VANGL1: variants seen among roughly 807,000 people sequenced by gnomAD.
VANGL1 encodes vang-like protein 1.
A neutral mutation model predicts 48.4 loss-of-function variants in VANGL1; 18 were observed. That is an observed-to-expected ratio of 0.37 (90% CI 0.26 to 0.55). The LOEUF is 0.55. Ranked by LOEUF, VANGL1 falls within the 20% of genes least tolerant of loss-of-function variation. The pLI is 0.81. For missense variants in VANGL1, 667 were observed against 675.8 expected, an observed-to-expected ratio of 0.99 and a Z score of 0.14; for synonymous variants, 257 against 261.8, an observed-to-expected ratio of 0.98 and a Z score of 0.18.
chr1:115,684,152 A>G, intron 6 of VANGL1, 76 bp downstream of exon 6: 1 of 1,321,062 alleles, frequency 7.6e-7, no homozygotes, highest in Non-Finnish European at 9.9e-7. Context: ...TTATTTATTT[A>G]TTTAGAGACA....
In VANGL1 at chr1:115,691,144, C is replaced by T. The variant is rs148199776; in HGVS notation, c.1340C>T (p.Ala447Val). The stretch of plus-strand genomic sequence containing the variant: ...GCCTTCCTAGAACGGTACCTCAGTG[C>T]GGGCCCCACCCTGCAATATGACAAG... ...PKAFLERYLS[A>V]GPTLQYDKDR... Residue 447 changes from alanine (A) to valine (V), a missense_variant, in exon 8 of 8, where the codon GCG (alanine) becomes GTG (valine). Ala to Val is a moderately conservative substitution (Grantham distance 64). Coordinates refer to ENST00000355485, the MANE Select transcript of VANGL1 (RefSeq NM_138959.3). The T allele has an allele frequency of 1.5e-4, 239 of 1,614,050 alleles. No homozygotes were observed. Among genetic ancestry groups the T allele is most frequent in the Non-Finnish European group, 1.9e-4 (225 of 1,180,048 alleles).
chr1:115,694,415 C>T lies in VANGL1; in HGVS notation c.*3036C>T, dbSNP rs1015700330. 1 of 152,112 alleles carries T rather than the reference C, an allele frequency of 6.6e-6. No individual in the cohort carries two copies. The highest frequency in any genetic ancestry group is 2.4e-5 in the African/African-American group (1 of 41,412). 9.4% of individuals were successfully genotyped at this position (152,112 alleles called of 1,614,324 possible). Reference sequence around the variant, plus strand: ...GTTCATTGCCTGGGGCTTGGGACTCCTTTTTTAATGGAGAGACTAGCTGTG... The same window carrying T: ...GTTCATTGCCTGGGGCTTGGGACTCTTTTTTTAATGGAGAGACTAGCTGTG... On this transcript the variant is annotated 3_prime_UTR_variant, in exon 8 of 8. Coordinates refer to ENST00000355485, the MANE Select transcript of VANGL1 (RefSeq NM_138959.3).
Position 115,691,494 on chromosome 1 carries a change from GC to G in VANGL1, c.*116del. On this transcript the variant is annotated 3_prime_UTR_variant, in exon 8 of 8. Coordinates refer to ENST00000355485, the MANE Select transcript of VANGL1 (RefSeq NM_138959.3). The stretch of plus-strand genomic sequence containing the variant: ...TCTTCTTCATTGCTGACTGAAACTG[GC>G]AGATGATTGACCAGTATCCTTTGAC... The G allele has an allele frequency of 2.6e-5, 31 of 1,175,976 alleles. No homozygotes were observed. The highest frequency in any genetic ancestry group is 3.5e-5 in the Non-Finnish European group (30 of 856,072). The allele number at this position is 1,175,976 out of a possible 1,614,324, so 72.8% of individuals were successfully genotyped here.
intron 2 of VANGL1, among the ~76,000 whole-genome samples, chr1:115,659,126 CTT>C (rs1402287174): frequency 3.3e-5 from 5 of 152,136 alleles, no homozygotes; most frequent in African/African-American, 1.2e-4. Flanking sequence ...TTTGTACTGA[CTT>C]TGAATTTCCT....
chr1:115,677,128 G>A (rs1653196913), intron 4 of VANGL1, among the ~76,000 whole-genome samples: 1 of 152,216 alleles, frequency 6.6e-6, no homozygotes, highest in Non-Finnish European at 1.5e-5. Context: ...GATATGCAGG[G>A]CATTAATTTG....
At position 115,665,794 on chromosome 1, in the gene VANGL1, C is replaced by G. The variant is rs536446061; in HGVS notation, c.812+1526C>G. On this transcript the variant is annotated intron_variant, in intron 4 of 7. Coordinates refer to ENST00000355485, the MANE Select transcript of VANGL1 (RefSeq NM_138959.3). ...TATTCATCTCAGAAGGCTTTCTTTT[C>G]CCATGTTTTGCATCAGGGAATGACC... Among the ~76,000 whole-genome samples the G allele has an allele frequency of 5.3e-5, 8 of 152,296 alleles. 1 individual carries two copies. In the South Asian group the frequency reaches 1.7e-3, roughly 32 times the overall value.
chr1:115,643,705 T>C (rs1651817420), intron 1 of VANGL1, among the ~76,000 whole-genome samples: 1 of 152,186 alleles, frequency 6.6e-6, no homozygotes, highest in Admixed American at 6.5e-5. Context: ...ACATTTTTAT[T>C]GTCTTATGTA....
chr1:115,662,498 A>G (rs868479794), intron 3 of VANGL1, among the ~76,000 whole-genome samples: 1 of 152,200 alleles, frequency 6.6e-6, no homozygotes, highest in African/African-American at 2.4e-5. Flanking sequence ...TTAAAATTCT[A>G]TCAACTGGGT....
intron 2 of VANGL1, among the ~76,000 whole-genome samples, chr1:115,657,661 A>G (rs1253027293): frequency 6.6e-6 from 1 of 152,216 alleles, no homozygotes; most frequent in East Asian, 1.9e-4. Flanking sequence ...TGAGTTGACC[A>G]GAACACCTCT....
chr1:115,671,693 G>A (rs767462873), intron 4 of VANGL1, among the ~76,000 whole-genome samples: 13 of 152,220 alleles, frequency 8.5e-5, no homozygotes, highest in Non-Finnish European at 1.8e-4. Context: ...CGCAGTGCAG[G>A]TTGGACTGTG....
Position 115,685,321 on chromosome 1 carries a change from A to G in VANGL1, c.1108A>G (p.Ile370Val), listed in dbSNP as rs1049447745. 9 of 1,614,158 alleles carry G rather than the reference A, an allele frequency of 5.6e-6. No individual in the cohort carries two copies. The highest frequency in any genetic ancestry group is 1.1e-5 in the South Asian group (1 of 91,080). The stretch of plus-strand genomic sequence containing the variant: ...GGTGGTTGCAGTGGAAGAGGCCTTC[A>G]TCCACATTCAGCGTCTCCAGGCTGA... ...RLVVAVEEAF[I>V]HIQRLQAEEQ... The change falls in exon 7 of 8, where the codon ATC (isoleucine) becomes GTC (valine). Residue 370 changes from isoleucine to valine, a missense_variant. Transcript: ENST00000355485.
intron 2 of VANGL1, among the ~76,000 whole-genome samples, chr1:115,654,363 C>T (rs577468068): frequency 6.6e-5 from 10 of 151,706 alleles, no homozygotes; most frequent in African/African-American, 1.7e-4. Context: ...CCTGGTTTTG[C>T]GATGCCTGCA....
At position 115,689,615 on chromosome 1, in the gene VANGL1, A is replaced by T. The variant is rs1290012166; in HGVS notation, c.1315-1504A>T. 2.9e-5 allele frequency among the ~76,000 whole-genome samples: 4 copies of T among 135,676 alleles called. No homozygotes were observed. The East Asian group carries it at 8.3e-4, about 28-fold the overall frequency. The allele number at this position is 135,676 out of a possible 152,430, so 89.0% of individuals were successfully genotyped here. On this transcript the variant is annotated intron_variant, in intron 7 of 7. Transcript: ENST00000355485. ...CGTGCCATTGCACTCCAGCCTGGGTAACAAGAGTGAAACTCTGCCTCAAAA... is the reference window on the plus strand; with the variant it reads ...CGTGCCATTGCACTCCAGCCTGGGTTACAAGAGTGAAACTCTGCCTCAAAA...
intron 4 of VANGL1, among the ~76,000 whole-genome samples, chr1:115,668,159 G>A (rs941934474): frequency 1.3e-5 from 2 of 152,176 alleles, no homozygotes; most frequent in Non-Finnish European, 1.5e-5. Flanking sequence ...TTTGAGCCCA[G>A]GCTCTCTGGT....
At position 115,696,063 on chromosome 1, in the gene VANGL1, T is replaced by TGTTAAC. The variant is rs1276613223; in HGVS notation, c.*4685_*4690dup. On this transcript the variant is annotated 3_prime_UTR_variant, in exon 8 of 8. Transcript: ENST00000355485. Reference sequence around the variant, plus strand: ...CCTTCTGGAAAACCCAGCCTTTCAGTGTTAACACCTGCTGCAAGACAGGGA... The same window carrying TGTTAAC: ...CCTTCTGGAAAACCCAGCCTTTCAGTGTTAACGTTAACACCTGCTGCAAGACAGGGA... 3 of 152,284 alleles carry TGTTAAC rather than the reference T, an allele frequency of 2.0e-5. No individual in the cohort carries two copies. The highest frequency in any genetic ancestry group is 7.2e-5 in the African/African-American group (3 of 41,468). 9.4% of individuals were successfully genotyped at this position (152,284 alleles called of 1,614,324 possible).
chr1:115,642,181 TGC>T (rs1280755762), intron 1 of VANGL1, 95 bp downstream of exon 1: 3 of 151,744 alleles, frequency 2.0e-5, no homozygotes, highest in Non-Finnish European at 2.9e-5. Context: ...CGCGTGCCCC[TGC>T]GCCCTCCTCC....
intron 4 of VANGL1, among the ~76,000 whole-genome samples, chr1:115,666,746 C>G (rs1652806941): frequency 6.6e-6 from 1 of 152,138 alleles, no homozygotes; most frequent in Admixed American, 6.5e-5. Context: ...CCCCCTTTGT[C>G]CCTCTCGTGG....
chr1:115,664,724 A>G (rs1262927439), intron 4 of VANGL1, among the ~76,000 whole-genome samples: 3 of 152,160 alleles, frequency 2.0e-5, no homozygotes, highest in Non-Finnish European at 4.4e-5. Context: ...TTGGGCAGTA[A>G]ATTATATGGT....
In VANGL1 at chr1:115,681,503, G is replaced by GTTTT. The variant is rs368388367; in HGVS notation, c.813-856_813-853dup. ...CAGCGGAGGCTCTCTTTTTTTTGTT[G>GTTTT]TTTTTTTTGTTTTTTTTTTTGAGAC... On this transcript the variant is annotated intron_variant, in intron 4 of 7. Coordinates refer to ENST00000355485, the MANE Select transcript of VANGL1 (RefSeq NM_138959.3). Among the ~76,000 whole-genome samples the GTTTT allele has an allele frequency of 3.2e-3, 362 of 114,818 alleles. 13 individuals carry two copies. The highest frequency in any genetic ancestry group is 7.1e-3 in the East Asian group (28 of 3,970). 75.3% of individuals were successfully genotyped at this position (114,818 alleles called of 152,430 possible). A position where few individuals can be genotyped will look rare whatever the true frequency, so the allele number is the denominator to read the frequency against.
Sources: allele counts gnomAD v4.1 joint callset (sites outside exome capture counted in the v4.1 genomes callset), GRCh38; gene constraint gnomAD v4.1.1; transcripts MANE v1.5; gene names NCBI Gene and HGNC (gene_info 2026-07-23, HGNC 2026-07-21).